The following FOXP4 variants were observed in gnomAD, a reference collection of about 807,000 sequenced individuals.
FOXP4 encodes forkhead box protein P4.
FOXP4 carries 25 observed loss-of-function variants against 82.6 expected under a neutral mutation model. That is an observed-to-expected ratio of 0.30 (90% CI 0.22 to 0.42). The LOEUF (loss-of-function observed/expected upper bound fraction) is 0.42, where lower values mean the gene tolerates loss of function less well. FOXP4 is among the 10% of genes least tolerant of loss of function. FOXP4 has a pLI of 1.00. For synonymous variants in FOXP4, 415 were observed against 388.2 expected (o/e 1.07, Z -0.81); for missense variants, 785 against 900.9 (o/e 0.87, Z 1.65).
At chr6:41,598,290 C>G (rs1321078201) in intron 16 of FOXP4, among the ~76,000 whole-genome samples, 1 of 149,508 alleles carries the variant, frequency 6.7e-6, no homozygotes, top group African/African-American at 2.5e-5. Flanking sequence ...GATCTTGGCT[C>G]ACTGCAACCT....
Position 41,590,099 on chromosome 6 carries a change from C to G in FOXP4, c.1286C>G (p.Ser429Cys). 6.2e-7 allele frequency: 1 copy of G among 1,613,538 alleles called. No individual in the cohort carries two copies. Among genetic ancestry groups the G allele is most frequent in the Non-Finnish European group, 8.5e-7 (1 of 1,179,732 alleles). ...CCTCTACGGCCCCCTGGCCTGGGCTCTGCCTCCCTGCATGGTGGGGGCCCA... is the reference window on the plus strand; with the variant it reads ...CCTCTACGGCCCCCTGGCCTGGGCTGTGCCTCCCTGCATGGTGGGGGCCCA... ...VTPLRPPGLG[S>C]ASLHGGGPAR... Residue 429 changes from serine to cysteine, a missense_variant, in exon 11 of 17, where the codon TCT (serine) becomes TGT (cysteine). By Grantham distance (112) the Ser-to-Cys change is moderately radical. Coordinates refer to ENST00000307972, the MANE Select transcript of FOXP4 (RefSeq NM_001012426.2).
At chr6:41,585,082 C>G (rs1766027884) in intron 4 of FOXP4, among the ~76,000 whole-genome samples, 191 bp downstream of exon 4, 1 of 152,118 alleles carries the variant, frequency 6.6e-6, no homozygotes, top group Non-Finnish European at 1.5e-5. Flanking sequence ...TGGCCCTGCC[C>G]CCACAATACT....
intron 2 of FOXP4, 44 bp downstream of exon 2, chr6:41,566,008 G>A (rs1764861325): frequency 6.4e-7 from 1 of 1,560,958 alleles, no homozygotes; most frequent in Non-Finnish European, 8.7e-7. Context: ...CGGGAGAGGG[G>A]CACTAGGCTG....
intron 2 of FOXP4, among the ~76,000 whole-genome samples, chr6:41,574,347 A>C (rs901595458): frequency 6.6e-6 from 1 of 152,214 alleles, no homozygotes; most frequent in Non-Finnish European, 1.5e-5. Flanking sequence ...GTGGAACTTC[A>C]GGCCTCAGTT....
rs1767102765 is a variant in FOXP4 at position 41,599,663 on chromosome 6, A to C, written c.*727A>C. 1 of 152,342 alleles carries C rather than the reference A, an allele frequency of 6.6e-6. No homozygotes were observed. The highest frequency in any genetic ancestry group is 6.5e-5 in the Admixed American group (1 of 15,290). 9.4% of individuals were successfully genotyped at this position (152,342 alleles called of 1,614,324 possible). On this transcript the variant is annotated 3_prime_UTR_variant, in exon 17 of 17. Coordinates refer to ENST00000307972, the MANE Select transcript of FOXP4 (RefSeq NM_001012426.2). ...CTCCTCCAGCCGCCCCCATGGGAAG[A>C]GGCCTGGTACCGCCTCACCCACAGA...
chr6:41,573,810 C>T (rs1765329084), intron 2 of FOXP4, among the ~76,000 whole-genome samples: 1 of 152,106 alleles, frequency 6.6e-6, no homozygotes. Flanking sequence ...ACCCAGCATA[C>T]GGTGGAGCCA....
intron 1 of FOXP4, among the ~76,000 whole-genome samples, chr6:41,563,983 G>A (rs141355356): frequency 4.9e-4 from 75 of 152,298 alleles, no homozygotes; most frequent in African/African-American, 1.7e-3. Flanking sequence ...AAGAAACATT[G>A]TCCTACCACA....
At chr6:41,557,922 G>A (rs917252243) in intron 1 of FOXP4, among the ~76,000 whole-genome samples, 2 of 152,168 alleles carry the variant, frequency 1.3e-5, no homozygotes, top group Non-Finnish European at 2.9e-5. Context: ...GAAGGCTTTG[G>A]TGGAGCCTTT....
At chr6:41,551,082 C>T (rs1039794079) in intron 1 of FOXP4, among the ~76,000 whole-genome samples, 2 of 152,218 alleles carry the variant, frequency 1.3e-5, no homozygotes, top group African/African-American at 4.8e-5. Context: ...GCCAGTTCCA[C>T]CAAGCCGGGA....
In FOXP4 at chr6:41,584,753, G is replaced by T; in HGVS notation, c.301-16G>T. 6.4e-7 allele frequency: 1 copy of T among 1,571,622 alleles called. No homozygotes were observed. The highest frequency in any genetic ancestry group is 1.9e-5 in the Admixed American group (1 of 53,352). ...TTGGGGTCCAGGGGACAGGGCTAAC[G>T]GGCCGAATCCTGCAGGTGCCTGTGT... On this transcript the variant is annotated splice_polypyrimidine_tract_variant and intron_variant, in intron 3 of 16. Coordinates refer to ENST00000307972, the MANE Select transcript of FOXP4 (RefSeq NM_001012426.2).
At chr6:41,564,098 G>A (rs1239530321) in intron 1 of FOXP4, among the ~76,000 whole-genome samples, 2 of 152,226 alleles carry the variant, frequency 1.3e-5, no homozygotes, top group Non-Finnish European at 2.9e-5. Context: ...CCTCTCAAGG[G>A]ACTGTGACTC....
At position 41,558,819 on chromosome 6, in the gene FOXP4, T is replaced by A. The variant is rs1764417700; in HGVS notation, c.-16-6926T>A. 6.6e-6 allele frequency among the ~76,000 whole-genome samples: 1 copy of A among 152,194 alleles called. No individual in the cohort carries two copies. Among genetic ancestry groups the A allele is most frequent in the African/African-American group, 2.4e-5 (1 of 41,430 alleles). On this transcript the variant is annotated intron_variant, in intron 1 of 16. Transcript: ENST00000307972. This position sits in a 1 kb window ranked among gnomAD's most constrained non-coding sequence, Gnocchi z 4.0. ...CAGTTACTTGTAGGGCCAGGGCTCG[T>A]TGCTCTGAAAAGCCCTCTGTTTTAT...
chr6:41,568,138 G>A (rs1285137814), intron 2 of FOXP4, among the ~76,000 whole-genome samples: 2 of 152,228 alleles, frequency 1.3e-5, no homozygotes, highest in Admixed American at 6.5e-5. Flanking sequence ...AACAACAAAT[G>A]TTCCTACTTG....
chr6:41,584,911 A>G lies in FOXP4; in HGVS notation c.423+20A>G, dbSNP rs1581765125. 6.3e-7 allele frequency: 1 copy of G among 1,599,366 alleles called. No individual in the cohort carries two copies. The highest frequency in any genetic ancestry group is 1.3e-5 in the African/African-American group (1 of 74,858). On this transcript the variant is annotated intron_variant, in intron 4 of 16. Transcript: ENST00000307972. ...CAGCAGGTGAGTCTGGCCCCAGGGC[A>G]GCTGGTCCCTCCTCCTCTGCCTGGC...
intron 3 of FOXP4, among the ~76,000 whole-genome samples, chr6:41,579,620 A>G (rs1029751329): frequency 8.5e-5 from 13 of 152,198 alleles, no homozygotes; most frequent in Non-Finnish European, 1.6e-4. Flanking sequence ...ATCTGAAATA[A>G]TTGAGAGCTG....
At chr6:41,554,564 ACT>A (rs1764172284) in intron 1 of FOXP4, among the ~76,000 whole-genome samples, 1 of 152,022 alleles carries the variant, frequency 6.6e-6, no homozygotes, top group Admixed American at 6.5e-5. Flanking sequence ...TGTCTGAAGG[ACT>A]CTGCAGGGTC....
chr6:41,550,681 A>G (rs946687945), intron 1 of FOXP4, among the ~76,000 whole-genome samples: 1 of 152,202 alleles, frequency 6.6e-6, no homozygotes, highest in Non-Finnish European at 1.5e-5. Context: ...TCTAGTGTGA[A>G]TACTTTCTCT....
intron 2 of FOXP4, 42 bp downstream of exon 2, chr6:41,566,006 G>A: frequency 6.3e-7 from 1 of 1,577,826 alleles, no homozygotes; most frequent in Non-Finnish European, 8.6e-7. Context: ...AGCGGGAGAG[G>A]GGCACTAGGC....
At position 41,576,989 on chromosome 6, in the gene FOXP4, G is replaced by A. The variant is rs147873758; in HGVS notation, c.205-997G>A. 5.8e-3 allele frequency among the ~76,000 whole-genome samples: 886 copies of A among 152,238 alleles called. 19 individuals carry two copies. The highest frequency in any genetic ancestry group is 0.04 in the South Asian group (195 of 4,822). ...TTCAAACCTCCCACTGAAGCATAGTGAGGACATAGAGGGCTTGACTGGCCT... is the reference window on the plus strand; with the variant it reads ...TTCAAACCTCCCACTGAAGCATAGTAAGGACATAGAGGGCTTGACTGGCCT... On this transcript the variant is annotated intron_variant, in intron 2 of 16. Coordinates refer to ENST00000307972, the MANE Select transcript of FOXP4 (RefSeq NM_001012426.2).
Sources: gnomAD v4.1 joint callset for allele counts (sites outside exome capture counted in the v4.1 genomes callset) on GRCh38, gnomAD v4.1.1 for gene constraint, Gnocchi (gnomAD v3.1) non-coding constraint, MANE v1.5 for transcripts, NCBI Gene and HGNC (gene_info 2026-07-23, HGNC 2026-07-21) for gene names.